The following GIPC2 variants were observed in gnomAD, a reference collection of about 807,000 sequenced individuals.
GIPC2 encodes the protein PDZ domain-containing protein GIPC2.
A neutral mutation model predicts 30.6 loss-of-function variants in GIPC2; 30 were observed. That is an observed-to-expected ratio of 0.98 (90% confidence interval 0.73 to 1.33). The LOEUF (loss-of-function observed/expected upper bound fraction) is 1.33, where lower values mean the gene tolerates loss of function less well. GIPC2 is among the 40% of genes most tolerant of loss of function. The probability of loss-of-function intolerance (pLI) is 0.00; values close to 1 mark genes in which losing one functional copy is unlikely to be tolerated. For synonymous variants in GIPC2, 167 were observed against 150.0 expected (o/e 1.11, Z -0.83); for missense variants, 414 against 390.3 (o/e 1.06, Z -0.51).
In GIPC2 at chr1:78,118,979, AT is replaced by A. The variant is rs565913733; in HGVS notation, c.608-404del. Among the ~76,000 whole-genome samples, 1,125 of 149,758 alleles carry A rather than the reference AT, an allele frequency of 7.5e-3. 13 individuals are homozygous for A. The highest frequency in any genetic ancestry group is 0.025 in the African/African-American group (1,022 of 40,906). ...CTCTTCTCTCTTTTTTTTCCTTTAA[AT>A]TTTTTTTTTGTTTCTTCTTTTTCTA... is the stretch of plus-strand genomic sequence containing the variant. On this transcript the variant is annotated intron_variant, in intron 3 of 5. Coordinates refer to ENST00000370759, the MANE Select transcript of GIPC2 (RefSeq NM_017655.6).
At chr1:78,101,523 A>G (rs1662249806) in intron 3 of GIPC2, among the ~76,000 whole-genome samples, 1 of 152,228 alleles carries the variant, frequency 6.6e-6, no homozygotes. Flanking sequence ...GTCATGATAT[A>G]ACGTATGTAT....
At chr1:78,082,060 A>G (rs1027851082) in intron 2 of GIPC2, among the ~76,000 whole-genome samples, 1 of 152,126 alleles carries the variant, frequency 6.6e-6, no homozygotes, top group African/African-American at 2.4e-5. Flanking sequence ...ATAATCATAT[A>G]TTATATACTC....
At chr1:78,045,914 G>C, upstream of GIPC2, 1 of 1,336,566 alleles carries the variant, frequency 7.5e-7, no homozygotes, top group Non-Finnish European at 9.5e-7. Context: ...TGGGCGGGCG[G>C]GCGGCTGCTC....
rs1325631055 is a variant in GIPC2 at position 78,046,198 on chromosome 1, C to T, written c.104C>T (p.Ser35Phe). 6.3e-7 allele frequency: 1 copy of T among 1,585,460 alleles called. No individual in the cohort carries two copies. The highest frequency in any genetic ancestry group is 8.6e-7 in the Non-Finnish European group (1 of 1,167,806). ...TGAGGGSLSA[S>F]RAPARRLVFH... ...GCGGGCGGCGGGAGCCTCTCAGCGT[C>T]CCGGGCTCCCGCACGCAGGCTGGTC... The change falls in exon 1 of 6, where the codon TCC becomes TTC. Residue 35 changes from serine (S) to phenylalanine (F), a missense_variant. Physicochemically the swap from Ser to Phe is radical, Grantham distance 155 (BLOSUM62 -2). Transcript: ENST00000370759.
chr1:78,112,476 C>T (rs762815600), intron 3 of GIPC2: 1 of 518,878 alleles, frequency 1.9e-6, no homozygotes, highest in African/African-American at 1.9e-5. Flanking sequence ...CCATCTGTGC[C>T]CACTTCATGT....
intron 5 of GIPC2, among the ~76,000 whole-genome samples, chr1:78,126,846 G>A (rs758633335): frequency 2.0e-5 from 3 of 152,160 alleles, no homozygotes; most frequent in Admixed American, 6.5e-5. Flanking sequence ...CAATATTGTC[G>A]CTGGTTGGTC....
chr1:78,113,497 CCTG>C (rs1662510262), intron 3 of GIPC2, among the ~76,000 whole-genome samples: 1 of 148,984 alleles, frequency 6.7e-6, no homozygotes, highest in Non-Finnish European at 1.5e-5. Flanking sequence ...AAGCAATCCT[CCTG>C]CTTCAGCCTC....
intron 4 of GIPC2, among the ~76,000 whole-genome samples, chr1:78,120,489 C>T (rs1662659898): frequency 6.6e-6 from 1 of 152,194 alleles, no homozygotes; most frequent in African/African-American, 2.4e-5. Context: ...CTCCCACTGC[C>T]CACTCTTCCA....
chr1:78,107,521 A>T (rs1662377403), intron 3 of GIPC2, among the ~76,000 whole-genome samples: 1 of 152,214 alleles, frequency 6.6e-6, no homozygotes, highest in African/African-American at 2.4e-5. Context: ...ACAAGAAAAC[A>T]ATTATTTTAA....
intron 2 of GIPC2, chr1:78,092,882 T>G (rs1460561743): frequency 6.6e-6 from 1 of 152,276 alleles, no homozygotes; most frequent in Non-Finnish European, 1.5e-5. Context: ...CTCTTCTGGT[T>G]GCTGAGGCAT....
rs1358666672 is a variant in GIPC2, at chr1:78,071,857, A to G, written c.241-8818A>G. 2.6e-5 allele frequency among the ~76,000 whole-genome samples: 4 copies of G among 152,206 alleles called. No individual in the cohort carries two copies. The South Asian group carries it at 6.2e-4, about 24-fold the overall frequency. On this transcript the variant is annotated intron_variant, in intron 1 of 5. Transcript: ENST00000370759. Reference sequence around the variant, plus strand: ...TGTGACCCTACACAAATCACTTAACATGTCTGAGCTGGTTTTCTTTTCTGC... The same window carrying G: ...TGTGACCCTACACAAATCACTTAACGTGTCTGAGCTGGTTTTCTTTTCTGC...
intron 2 of GIPC2, chr1:78,091,646 A>T: frequency 2.6e-6 from 2 of 772,000 alleles, no homozygotes; most frequent in East Asian, 4.9e-5. Context: ...ATACTGGAGA[A>T]TATGGCATAT....
intron 2 of GIPC2, among the ~76,000 whole-genome samples, chr1:78,084,424 T>C (rs757904021): frequency 2.7e-5 from 4 of 149,878 alleles, no homozygotes; most frequent in Non-Finnish European, 4.4e-5. Flanking sequence ...GACAGGAGAA[T>C]CACTTGAGCC....
chr1:78,048,685 T>A (rs1023829483), intron 1 of GIPC2, among the ~76,000 whole-genome samples: 6 of 152,204 alleles, frequency 3.9e-5, no homozygotes, highest in African/African-American at 1.2e-4. Context: ...TACCTCAGTC[T>A]CTTGAATAAC....
intron 1 of GIPC2, among the ~76,000 whole-genome samples, chr1:78,052,862 T>C (rs1467573276): frequency 6.6e-6 from 1 of 152,186 alleles, no homozygotes; most frequent in Non-Finnish European, 1.5e-5. Context: ...TGAAAGTCAA[T>C]ATTCTGTATT....
chr1:78,045,923 T>C, upstream of GIPC2: 19 of 1,342,464 alleles, frequency 1.4e-5, 1 homozygote, highest in South Asian at 3.9e-4. Flanking sequence ...GGGCGGCTGC[T>C]CCGGTCCAGG....
chr1:78,064,774 C>T (rs558214685), intron 1 of GIPC2, among the ~76,000 whole-genome samples: 5 of 130,370 alleles, frequency 3.8e-5, no homozygotes, highest in African/African-American at 1.4e-4. Context: ...GATGGAGTCT[C>T]ACTTTGTTGC....
At chr1:78,115,910 A>G (rs1662559133) in intron 3 of GIPC2, among the ~76,000 whole-genome samples, 2 of 152,214 alleles carry the variant, frequency 1.3e-5, no homozygotes, top group South Asian at 4.1e-4. Context: ...CAAACTCCTT[A>G]ATCACTTTGG....
chr1:78,120,370 A>G (rs953730631), intron 4 of GIPC2, among the ~76,000 whole-genome samples: 1 of 152,014 alleles, frequency 6.6e-6, no homozygotes, highest in African/African-American at 2.4e-5. Context: ...TGTTTTGCCC[A>G]TTTATCTGCA....
Sources: allele counts gnomAD v4.1 joint callset (sites outside exome capture counted in the v4.1 genomes callset), GRCh38; gene constraint gnomAD v4.1.1; transcripts MANE v1.5; gene names NCBI Gene and HGNC (gene_info 2026-07-23, HGNC 2026-07-21).